The following ERC1 variants were observed in gnomAD, a reference collection of about 807,000 sequenced individuals.
ERC1 encodes the protein ELKS/RAB6-interacting/CAST family member 1, also known as RAB6 interacting protein 2.
A neutral mutation model predicts 132.0 loss-of-function variants in ERC1; 56 were observed. The ratio of observed to expected loss-of-function variants is 0.42; its 90% CI spans 0.34 to 0.53. ERC1 has a LOEUF of 0.53. Ranked by LOEUF, ERC1 falls within the 20% of genes least tolerant of loss-of-function variation. The pLI is 0.03. For missense variants in ERC1, 1,202 were observed against 1,349.9 expected (o/e 0.89, Z 1.72); for synonymous variants, 478 against 476.1 (o/e 1.00, Z -0.05).
intron 18 of ERC1, among the ~76,000 whole-genome samples, chr12:1,482,971 A>G (rs542826214): frequency 2.0e-5 from 3 of 151,950 alleles, no homozygotes; most frequent in Admixed American, 1.3e-4. Flanking sequence ...TTACTTCCCA[A>G]CTCTGGATTT....
At chr12:1,155,487 T>G (rs1047387148) in intron 8 of ERC1, among the ~76,000 whole-genome samples, 1 of 152,136 alleles carries the variant, frequency 6.6e-6, no homozygotes, top group Non-Finnish European at 1.5e-5. Context: ...TTTCCTTTTT[T>G]TTTTTTGAGA....
chr12:1,303,765 A>G (rs1566536057), intron 15 of ERC1, among the ~76,000 whole-genome samples: 1 of 151,436 alleles, frequency 6.6e-6, no homozygotes, highest in Non-Finnish European at 1.5e-5. Flanking sequence ...GACCAGCCTG[A>G]CCAACATGGA....
chr12:1,397,976 A>T (rs532975664), intron 16 of ERC1, among the ~76,000 whole-genome samples: 6 of 152,248 alleles, frequency 3.9e-5, no homozygotes, highest in African/African-American at 1.4e-4. Flanking sequence ...GATAAACTCC[A>T]AGTAAAAGAA....
intron 10 of ERC1, among the ~76,000 whole-genome samples, chr12:1,182,601 G>A (rs2906117): frequency 0.014 from 2,161 of 152,002 alleles, 39 homozygotes; most frequent in African/African-American, 0.05. Flanking sequence ...ATATCTTTAG[G>A]CAATGTTATG....
intron 8 of ERC1, among the ~76,000 whole-genome samples, chr12:1,150,176 T>A (rs1950710118): frequency 6.6e-6 from 1 of 152,200 alleles, no homozygotes; most frequent in South Asian, 2.1e-4. Flanking sequence ...GACATTTTCC[T>A]ACTGAAGGAA....
chr12:1,102,048 A>G (rs1001682537), intron 3 of ERC1, among the ~76,000 whole-genome samples: 2 of 152,226 alleles, frequency 1.3e-5, no homozygotes, highest in African/African-American at 4.8e-5. Flanking sequence ...CAGGTAGGAA[A>G]GGAAAAGGGT....
rs536750682 is a variant in ERC1, at chr12:1,221,207, A to G, written c.2352-15562A>G. ...TAGCACCTGGCCCATAGAAGCTTTT[A>G]TTAAATATTTGTTGAATTAATGGTC... On this transcript the variant is annotated intron_variant, in intron 12 of 18. Coordinates refer to ENST00000360905, the MANE Select transcript of ERC1 (RefSeq NM_178040.4). Among the ~76,000 whole-genome samples the G allele has an allele frequency of 2.6e-5, 4 of 152,270 alleles. No individual in the cohort carries two copies. The East Asian group carries it at 7.7e-4, about 29-fold the overall frequency.
chr12:1,343,023 C>T (rs563137019), intron 15 of ERC1, among the ~76,000 whole-genome samples: 2 of 152,294 alleles, frequency 1.3e-5, no homozygotes, highest in South Asian at 4.1e-4. Context: ...CTCATGCGGT[C>T]CTCACAACTC....
chr12:1,340,569 G>A (rs1458901238), intron 15 of ERC1, among the ~76,000 whole-genome samples: 4 of 152,132 alleles, frequency 2.6e-5, no homozygotes, highest in Admixed American at 1.3e-4. Flanking sequence ...CCTCAGGGTC[G>A]TTGGGGGCTA....
chr12:1,260,783 A>G (rs2077094141), intron 13 of ERC1, among the ~76,000 whole-genome samples: 1 of 152,248 alleles, frequency 6.6e-6, no homozygotes, highest in Admixed American at 6.5e-5. Flanking sequence ...GTTAGAGCAA[A>G]TGCTTCCATA....
chr12:1,141,883 C>A, intron 8 of ERC1, 96 bp downstream of exon 8: 1 of 1,016,096 alleles, frequency 9.8e-7, no homozygotes. Flanking sequence ...GTTTCTTGCT[C>A]ATTTTTCAGT....
chr12:1,059,444 CTA>C (rs1408718680), intron 2 of ERC1, among the ~76,000 whole-genome samples: 1 of 152,070 alleles, frequency 6.6e-6, no homozygotes, highest in Non-Finnish European at 1.5e-5. Context: ...CAGCTTTTCC[CTA>C]TTAAGTGTGA....
At chr12:1,007,486 C>CTCTCTT (rs1555194738) in intron 1 of ERC1, among the ~76,000 whole-genome samples, 16 of 136,332 alleles carry the variant, frequency 1.2e-4, no homozygotes, top group Non-Finnish European at 2.0e-4. Context: ...CTCTCTCTCT[C>CTCTCTT]TCTCTCTTTC....
intron 2 of ERC1, among the ~76,000 whole-genome samples, chr12:1,030,038 G>A (rs1266432975): frequency 6.6e-6 from 1 of 152,078 alleles, no homozygotes; most frequent in Non-Finnish European, 1.5e-5. Context: ...GCGAGCCACC[G>A]CCAGGCCCAT....
chr12:1,340,551 G>T (rs570988997), intron 15 of ERC1, among the ~76,000 whole-genome samples: 16 of 152,050 alleles, frequency 1.1e-4, no homozygotes, highest in African/African-American at 3.4e-4. Flanking sequence ...AGTACAACTC[G>T]CTCATTCCCT....
At chr12:1,333,731 T>C (rs1802512631) in intron 15 of ERC1, among the ~76,000 whole-genome samples, 1 of 152,232 alleles carries the variant, frequency 6.6e-6, no homozygotes, top group South Asian at 2.1e-4. Flanking sequence ...CATGTGTCTT[T>C]ATAATAGAAC....
chr12:1,020,222 C>CG (rs1238682356), intron 1 of ERC1, among the ~76,000 whole-genome samples: 4 of 152,118 alleles, frequency 2.6e-5, no homozygotes, highest in Non-Finnish European at 4.4e-5. Flanking sequence ...TTTGAGAGAC[C>CG]AAGGCAGATG....
At chr12:1,104,870 T>G (rs1332846117) in intron 4 of ERC1, 46 bp downstream of exon 4, 1 of 1,333,356 alleles carries the variant, frequency 7.5e-7, no homozygotes, top group Admixed American at 1.7e-5. Flanking sequence ...CCTTATACTT[T>G]TAAGTGATCA....
chr12:1,204,038 T>G (rs1290116637), intron 12 of ERC1: 1 of 153,340 alleles, frequency 6.5e-6, no homozygotes, highest in African/African-American at 2.4e-5. Flanking sequence ...TGCTTTTGCT[T>G]TTAGATAACT....
Sources: allele counts gnomAD v4.1 joint callset (sites outside exome capture counted in the v4.1 genomes callset), GRCh38; gene constraint gnomAD v4.1.1; transcripts MANE v1.5; gene names NCBI Gene and HGNC (gene_info 2026-07-23, HGNC 2026-07-21).